ARL10: variants seen among roughly 807,000 people sequenced by gnomAD.
The protein encoded by ARL10 is ADP-ribosylation factor-like protein 10.
In ARL10, 23 loss-of-function variants were observed where a neutral mutation model predicts 26.1. That is an observed-to-expected ratio of 0.88 (90% CI 0.63 to 1.25). ARL10 has a LOEUF of 1.25. Among genes scored for constraint, ARL10 ranks in the 50% most tolerant of loss-of-function variants. ARL10 has a pLI of 0.00. For synonymous variants in ARL10, 138 were observed against 149.1 expected, an observed-to-expected ratio of 0.93 and a Z score of 0.54; for missense variants, 300 against 323.6, an observed-to-expected ratio of 0.93 and a Z score of 0.56.
downstream of ARL10, among the ~76,000 whole-genome samples, chr5:176,383,029 G>C (rs1021144366): frequency 6.6e-5 from 10 of 152,172 alleles, no homozygotes; most frequent in African/African-American, 2.4e-4. Flanking sequence ...GACTCTCCCA[G>C]CCTGCCTTGA....
rs1210542123 is a variant in ARL10 at position 176,376,970 on chromosome 5, T to C, written c.*5075T>C. ...GGTCCTCTGTGGGTCACAGAAAGTT[T>C]ATTTTATTTTGTCAAAATACAGTGT... On this transcript the variant is annotated 3_prime_UTR_variant, in exon 4 of 4. Coordinates refer to ENST00000310389, the MANE Select transcript of ARL10 (RefSeq NM_173664.6). The C allele has an allele frequency of 1.3e-5, 2 of 152,238 alleles. No homozygotes were observed. Among genetic ancestry groups the C allele is most frequent in the Non-Finnish European group, 2.9e-5 (2 of 68,034 alleles). The allele number at this position is 152,238 out of a possible 1,614,324, so 9.4% of individuals were successfully genotyped here.
rs1755428024 is a variant in ARL10, at chr5:176,377,839, T to C, written c.*5944T>C. ...ATGCAGTGGTGCAATCATGGCTCAC[T>C]ACAACCTCCACCTCCAGAGATCAAG... On this transcript the variant is annotated 3_prime_UTR_variant, in exon 4 of 4. Transcript: ENST00000310389. The surrounding 1 kb of genome is among the most constrained non-coding windows in gnomAD (Gnocchi z 4.5). The C allele has an allele frequency of 6.6e-6, 1 of 152,296 alleles. No individual in the cohort carries two copies. Among genetic ancestry groups the C allele is most frequent in the African/African-American group, 2.4e-5 (1 of 41,452 alleles). 9.4% of individuals were successfully genotyped at this position (152,296 alleles called of 1,614,324 possible).
chr5:176,387,152 T>C (rs1052765748), intron 1 of ARL10, among the ~76,000 whole-genome samples: 16 of 152,126 alleles, frequency 1.1e-4, no homozygotes, highest in African/African-American at 3.9e-4. Context: ...GGCACAATCT[T>C]GGTTGACTGC....
chr5:176,366,870 GAC>G (rs1233806137), intron 2 of ARL10, among the ~76,000 whole-genome samples: 2 of 152,112 alleles, frequency 1.3e-5, no homozygotes, highest in Non-Finnish European at 2.9e-5. Context: ...CCAAGCACTT[GAC>G]GGGCATTGCT....
At chr5:176,398,176 T>C (rs1303195291) in intron 1 of ARL10, 3 of 749,124 alleles carry the variant, frequency 4.0e-6, no homozygotes, top group African/African-American at 3.4e-5. Context: ...CTGTCTCTGG[T>C]GACTACACCT....
chr5:176,369,357 C>T (rs868683597), intron 3 of ARL10: 33 of 538,468 alleles, frequency 6.1e-5, no homozygotes, highest in Middle Eastern at 7.4e-4. Flanking sequence ...CTCAGCCTTC[C>T]GAGTAGCTGG....
Position 176,365,546 on chromosome 5 carries a change from C to T in ARL10, c.-18C>T. 1.6e-6 allele frequency: 2 copies of T among 1,226,228 alleles called. No homozygotes were observed. Among genetic ancestry groups the T allele is most frequent in the Non-Finnish European group, 2.0e-6 (2 of 984,394 alleles). 76.0% of individuals were successfully genotyped at this position (1,226,228 alleles called of 1,614,324 possible). On this transcript the variant is annotated 5_prime_UTR_variant, in exon 1 of 4. Coordinates refer to ENST00000310389, the MANE Select transcript of ARL10 (RefSeq NM_173664.6). ...GCTCGGCCTGTGCAACCCGCACCTG[C>T]GTCCCTCGCCCGGCCCGATGGCGCC...
chr5:176,411,463 T>C, the ARL10 span, among the ~76,000 whole-genome samples: 1 of 152,224 alleles, frequency 6.6e-6, no homozygotes, highest in East Asian at 1.9e-4. Flanking sequence ...TCCCTTCAGC[T>C]TCTGCTCAAA....
In ARL10 at chr5:176,398,085, C is replaced by T. The variant is rs763580224; in HGVS notation, c.134-3656C>T. 2.5e-6 allele frequency: 4 copies of T among 1,583,062 alleles called. No homozygotes were observed. The South Asian group carries it at 4.4e-5, about 17-fold the overall frequency. ...CACGCAGCAGTCTATCCAGCCAGCA[C>T]ACCTGCCCCGCTGTCTCTGCTGCCC... On this transcript the variant is annotated intron_variant, in intron 1 of 1. Coordinates refer to the ARL10 transcript ENST00000514533.
chr5:176,389,620 A>G, downstream of ARL10: 1 of 1,082,178 alleles, frequency 9.2e-7, no homozygotes, highest in Non-Finnish European at 1.3e-6. Context: ...GCTGGGGAGG[A>G]AGTGACCCTT....
rs766529336 is a variant in ARL10, at chr5:176,368,962, G to A, written c.541G>A (p.Val181Ile). ...GGACAAGGACCCTGACCTGCCTGTC[G>A]TCGTGGTGGCCAACAAGCAGGTGAG... ...LLDKDPDLPV[V>I]VVANKQDLSE... Residue 181 changes from valine (V) to isoleucine (I), a missense_variant, in exon 3 of 4, where the codon GTC (valine) becomes ATC (isoleucine). Val to Ile is a conservative substitution (Grantham distance 29). Coordinates refer to ENST00000310389, the MANE Select transcript of ARL10 (RefSeq NM_173664.6). This position sits in a 1 kb window ranked among gnomAD's most constrained non-coding sequence, Gnocchi z 4.1. 1.0e-4 allele frequency: 167 copies of A among 1,613,938 alleles called. 1 individual carries two copies. The highest frequency in any genetic ancestry group is 1.3e-4 in the Admixed American group (8 of 60,008).
downstream of ARL10, among the ~76,000 whole-genome samples, chr5:176,385,745 G>C (rs907070282): frequency 6.6e-6 from 1 of 152,142 alleles, no homozygotes; most frequent in African/African-American, 2.4e-5. Context: ...ACATGAAATG[G>C]GACGGTCTAA....
downstream of ARL10, chr5:176,383,990 C>T (rs1237990795): frequency 1.3e-6 from 2 of 1,533,742 alleles, no homozygotes; most frequent in Admixed American, 2.0e-5. Context: ...TTTACATCAC[C>T]CACCCTGAAA....
intron 1 of ARL10, among the ~76,000 whole-genome samples, chr5:176,399,059 A>T (rs1238678578): frequency 6.6e-6 from 1 of 151,946 alleles, no homozygotes; most frequent in Non-Finnish European, 1.5e-5. Flanking sequence ...GGTCAGGCTG[A>T]TCTCGAACTC....
chr5:176,384,437 C>T (rs916616872), downstream of ARL10: 3 of 1,524,326 alleles, frequency 2.0e-6, no homozygotes, highest in African/African-American at 2.8e-5. Flanking sequence ...CTGAACTCAT[C>T]CTGAATTAGG....
downstream of ARL10, chr5:176,386,155 G>GTA: frequency 6.4e-6 from 1 of 155,974 alleles, no homozygotes; most frequent in East Asian, 1.9e-4. Flanking sequence ...GGTTAGGATG[G>GTA]TAACTTTTAT....
chr5:176,410,309 A>G, the ARL10 span: 1 of 1,613,624 alleles, frequency 6.2e-7, no homozygotes, highest in South Asian at 1.1e-5. Context: ...ACCAGCTGGA[A>G]AGAGAACAAG....
intron 1 of ARL10, chr5:176,396,520 T>A (rs1040731033): frequency 1.2e-6 from 2 of 1,613,686 alleles, no homozygotes; most frequent in Non-Finnish European, 1.7e-6. Flanking sequence ...GGTAGAATGC[T>A]TTGTCAGCGA....
At chr5:176,410,193 G>A in the ARL10 span, 2 of 1,386,560 alleles carry the variant, frequency 1.4e-6, no homozygotes, top group East Asian at 2.3e-5. Context: ...ACAACAATGA[G>A]GCTTTAGGTT....
Sources: allele counts gnomAD v4.1 joint callset (sites outside exome capture counted in the v4.1 genomes callset), GRCh38; gene constraint gnomAD v4.1.1; non-coding constraint Gnocchi (gnomAD v3.1); transcripts MANE v1.5; gene names NCBI Gene and HGNC (gene_info 2026-07-23, HGNC 2026-07-21).